Variants in PCDHGA6 observed in about 807,000 individuals in gnomAD.
PCDHGA6 encodes protocadherin gamma subfamily A, 6, also known as protocadherin gamma-A6.
PCDHGA6 carries 41 observed loss-of-function variants against 60.6 expected under a neutral mutation model. That is an observed-to-expected ratio of 0.68 (90% CI 0.53 to 0.88). The LOEUF (loss-of-function observed/expected upper bound fraction) is 0.88. Among genes scored for constraint, PCDHGA6 ranks in the 40% least tolerant of loss-of-function variants. The probability of loss-of-function intolerance (pLI) is 0.00; values close to 1 mark genes in which losing one functional copy is unlikely to be tolerated. For synonymous variants in PCDHGA6, 594 were observed against 524.4 expected (o/e 1.13, Z -1.81); for missense variants, 1,312 against 1,203.0 (o/e 1.09, Z -1.34).
chr5:141,501,970 T>C (rs2099812082), intron 2 of PCDHGA6, among the ~76,000 whole-genome samples: 1 of 152,068 alleles, frequency 6.6e-6, no homozygotes. Flanking sequence ...TCCTAACCTC[T>C]GGCATCTGGT....
At chr5:141,403,749 C>A in intron 1 of PCDHGA6, 1 of 1,613,652 alleles carries the variant, frequency 6.2e-7, no homozygotes, top group African/African-American at 1.3e-5. Context: ...ACTGCAACAG[C>A]CAGCGACCTG....
At chr5:141,497,553 T>C (rs2099777684) in intron 2 of PCDHGA6, among the ~76,000 whole-genome samples, 1 of 151,326 alleles carries the variant, frequency 6.6e-6, no homozygotes, top group South Asian at 2.1e-4. Context: ...TTTTTTTTTT[T>C]TTTTTAGACA....
chr5:141,375,096 T>C lies in PCDHGA6; in HGVS notation c.1013T>C (p.Leu338Ser), dbSNP rs764268392. 1.9e-5 allele frequency: 30 copies of C among 1,613,836 alleles called. No homozygotes were observed. The highest frequency in any genetic ancestry group is 2.5e-5 in the Non-Finnish European group (29 of 1,179,900). ...RDRAKVLITI[L>S]DVNDNVPEVV... is the part of the protein sequence containing the mutation. ...AGAGCGAAAGTCTTAATAACTATCT[T>C]GGATGTCAATGATAATGTACCAGAA... is the stretch of plus-strand genomic sequence containing the variant. The change falls in exon 1 of 4, where the codon TTG becomes TCG. Residue 338 changes from leucine to serine, a missense_variant. By Grantham distance (145) the Leu-to-Ser change is moderately radical. Coordinates refer to ENST00000517434, the MANE Select transcript of PCDHGA6 (RefSeq NM_018919.3).
intron 1 of PCDHGA6, among the ~76,000 whole-genome samples, chr5:141,492,084 G>C (rs979755390): frequency 2.0e-5 from 3 of 152,236 alleles, no homozygotes; most frequent in African/African-American, 7.2e-5. Flanking sequence ...GCTCCGGCAC[G>C]CTTCGCCGGT....
At chr5:141,510,322 A>G (rs62379243) in intron 3 of PCDHGA6, among the ~76,000 whole-genome samples, 36,300 of 150,290 alleles carry the variant, frequency 0.24, 4,456 homozygotes, top group Admixed American at 0.32. Flanking sequence ...TTGGAAGAGC[A>G]CTCTTCACCC....
chr5:141,381,826 CTTTTT>C lies in PCDHGA6; in HGVS notation c.2424+5337_2424+5341del, dbSNP rs770630741. Among the ~76,000 whole-genome samples, 483 of 74,304 alleles carry C rather than the reference CTTTTT, an allele frequency of 6.5e-3. 2 individuals are homozygous for C. The highest frequency in any genetic ancestry group is 0.026 in the African/African-American group (418 of 16,208). 48.7% of individuals were successfully genotyped at this position (74,304 alleles called of 152,430 possible). On this transcript the variant is annotated intron_variant, in intron 1 of 3. Coordinates refer to ENST00000517434, the MANE Select transcript of PCDHGA6 (RefSeq NM_018919.3). ...TTTCTTTCTTTCTTTCTTTCTTCTT[CTTTTT>C]TTTTTTTTTTTTTTTTTGGCAGAGT...
Position 141,432,477 on chromosome 5 carries a change from C to G in PCDHGA6, c.2424+55970C>G. On this transcript the variant is annotated intron_variant, in intron 1 of 3. Coordinates refer to ENST00000517434, the MANE Select transcript of PCDHGA6 (RefSeq NM_018919.3). This position sits in a 1 kb window ranked among gnomAD's most constrained non-coding sequence, Gnocchi z 6.0. ...CCCGCCCTCCCCACGGACGGTTCCA[C>G]TGGCGTGGAGCTGGCTCCCCGCTCC... 3 of 1,614,212 alleles carry G rather than the reference C, an allele frequency of 1.9e-6. No homozygotes were observed. Among genetic ancestry groups the G allele is most frequent in the Non-Finnish European group, 1.7e-6 (2 of 1,180,044 alleles).
At chr5:141,404,354 G>C in intron 1 of PCDHGA6, 1 of 1,613,916 alleles carries the variant, frequency 6.2e-7, no homozygotes. Context: ...CAACGCCAGA[G>C]GTACTTCCAT....
rs2097372368 is a variant in PCDHGA6 at position 141,431,422 on chromosome 5, G to A, written c.2424+54915G>A. On this transcript the variant is annotated intron_variant, in intron 1 of 3. Coordinates refer to ENST00000517434, the MANE Select transcript of PCDHGA6 (RefSeq NM_018919.3). This position sits in a 1 kb window ranked among gnomAD's most constrained non-coding sequence, Gnocchi z 4.8. ...CGGCCTCCGACGGGGGCGACCCGGTGCGCACAGGCACCGCGCGCATCCGCG... is the reference window on the plus strand; with the variant it reads ...CGGCCTCCGACGGGGGCGACCCGGTACGCACAGGCACCGCGCGCATCCGCG... 6.2e-7 allele frequency: 1 copy of A among 1,613,710 alleles called. No individual in the cohort carries two copies. The highest frequency in any genetic ancestry group is 2.2e-5 in the East Asian group (1 of 44,882).
rs369044087 is a variant in PCDHGA6 at position 141,389,106 on chromosome 5, C to G, written c.2424+12599C>G. On this transcript the variant is annotated intron_variant, in intron 1 of 3. Coordinates refer to ENST00000517434, the MANE Select transcript of PCDHGA6 (RefSeq NM_018919.3). ...GTATAAATTAGTGACAGATGCTGTTCTAGACCGCGAGCAGAATCCAGAGTA... is the reference window on the plus strand; with the variant it reads ...GTATAAATTAGTGACAGATGCTGTTGTAGACCGCGAGCAGAATCCAGAGTA... 73 of 1,613,908 alleles carry G rather than the reference C, an allele frequency of 4.5e-5. No individual in the cohort carries two copies. The highest frequency in any genetic ancestry group is 1.7e-5 in the Admixed American group (1 of 60,018).
rs376773009 is a variant in PCDHGA6, at chr5:141,511,838, C to T, written c.*665C>T. 64 of 156,854 alleles carry T rather than the reference C, an allele frequency of 4.1e-4. No homozygotes were observed. Among genetic ancestry groups the T allele is most frequent in the Non-Finnish European group, 6.8e-4 (48 of 70,726 alleles). The allele number at this position is 156,854 out of a possible 1,614,324, so 9.7% of individuals were successfully genotyped here. A position where few individuals can be genotyped will look rare whatever the true frequency, so the allele number is the denominator to read the frequency against. ...TCTTCCCAACGCCCTGGGGACCAGTCTTCTGTTTTGTTTTTCATTGTTTGA... is the reference window on the plus strand; with the variant it reads ...TCTTCCCAACGCCCTGGGGACCAGTTTTCTGTTTTGTTTTTCATTGTTTGA... On this transcript the variant is annotated 3_prime_UTR_variant, in exon 4 of 4. Transcript: ENST00000517434.
chr5:141,394,912 T>C (rs1205097386), intron 1 of PCDHGA6: 11 of 1,613,694 alleles, frequency 6.8e-6, no homozygotes, highest in Non-Finnish European at 9.3e-6. Context: ...GTGGCTGCCA[T>C]CTCCTGTGTC....
chr5:141,385,411 G>A, intron 1 of PCDHGA6: 1 of 1,474,668 alleles, frequency 6.8e-7, no homozygotes, highest in East Asian at 2.4e-5. Context: ...TTTGAAAATA[G>A]GGATTTAAAA....
intron 1 of PCDHGA6, among the ~76,000 whole-genome samples, chr5:141,397,628 A>T (rs2093548217): frequency 6.6e-6 from 1 of 152,242 alleles, no homozygotes; most frequent in Non-Finnish European, 1.5e-5. Flanking sequence ...AGTTCTAGCT[A>T]AGAGTTCAAG....
In PCDHGA6 at chr5:141,472,816, G is replaced by A. The variant is rs1186234004; in HGVS notation, c.2425-21991G>A. On this transcript the variant is annotated intron_variant, in intron 1 of 3. Transcript: ENST00000517434. ...GCCTGACCAACATGGAGAAACCCCC[G>A]TCTCTACTAAAAATAGAAAATTAGC... 4.6e-5 allele frequency among the ~76,000 whole-genome samples: 7 copies of A among 151,374 alleles called. No individual in the cohort carries two copies. In the South Asian group the frequency reaches 6.2e-4, roughly 14 times the overall value.
chr5:141,381,194 A>G (rs1490314402), intron 1 of PCDHGA6, among the ~76,000 whole-genome samples: 2 of 152,234 alleles, frequency 1.3e-5, no homozygotes, highest in African/African-American at 4.8e-5. Context: ...AAGCTTTCTT[A>G]GTGTTAGTTC....
At position 141,492,010 on chromosome 5, in the gene PCDHGA6, G is replaced by A. The variant is rs2099736138; in HGVS notation, c.2425-2797G>A. 2 of 617,370 alleles carry A rather than the reference G, an allele frequency of 3.2e-6. 1 individual carries two copies. Among genetic ancestry groups the A allele is most frequent in the Middle Eastern group, 8.7e-4 (2 of 2,312 alleles). The allele number at this position is 617,370 out of a possible 1,614,324, so 38.2% of individuals were successfully genotyped here. On this transcript the variant is annotated intron_variant, in intron 1 of 3. Transcript: ENST00000517434. Reference sequence around the variant, plus strand: ...GGTGAATTTCGGGCGATTTCCGCGGGTGTCGGGGGTCCCGGGAGGAGGCAG... The same window carrying A: ...GGTGAATTTCGGGCGATTTCCGCGGATGTCGGGGGTCCCGGGAGGAGGCAG...
At chr5:141,462,786 T>G (rs1394476968) in intron 1 of PCDHGA6, among the ~76,000 whole-genome samples, 1 of 152,216 alleles carries the variant, frequency 6.6e-6, no homozygotes, top group Admixed American at 6.5e-5. Flanking sequence ...AATTTGTTGC[T>G]TATTTGCATG....
At chr5:141,442,005 C>G (rs1037210381) in intron 1 of PCDHGA6, 1 of 229,014 alleles carries the variant, frequency 4.4e-6, no homozygotes. Flanking sequence ...GCTGACAGCT[C>G]GCACGATGGG....
Sources: gnomAD v4.1 joint callset for allele counts (sites outside exome capture counted in the v4.1 genomes callset) on GRCh38, gnomAD v4.1.1 for gene constraint, Gnocchi (gnomAD v3.1) non-coding constraint, MANE v1.5 for transcripts, NCBI Gene and HGNC (gene_info 2026-07-23, HGNC 2026-07-21) for gene names.